The following MYRIP variants were observed in gnomAD, a reference collection of about 807,000 sequenced individuals.
The protein encoded by MYRIP is myosin VIIA and Rab interacting protein.
In MYRIP, 49 loss-of-function variants were observed where a neutral mutation model predicts 98.0. The observed-to-expected ratio is 0.50, with a 90% CI of 0.40 to 0.63. The LOEUF is 0.63. MYRIP is among the 30% of genes least tolerant of loss of function. MYRIP has a pLI of 0.00. For synonymous variants in MYRIP, 404 were observed against 409.5 expected, an observed-to-expected ratio of 0.99 and a Z score of 0.16; for missense variants, 1,004 against 1,058.2, an observed-to-expected ratio of 0.95 and a Z score of 0.71.
At chr3:40,228,644 A>AT (rs1434227478) in intron 11 of MYRIP, among the ~76,000 whole-genome samples, 7 of 152,288 alleles carry the variant, frequency 4.6e-5, no homozygotes, top group African/African-American at 1.7e-4. Flanking sequence ...TGTTCTTGTT[A>AT]TAGGTGTTGG....
At chr3:39,865,510 C>A (rs375296517) in intron 1 of MYRIP, among the ~76,000 whole-genome samples, 10 of 151,952 alleles carry the variant, frequency 6.6e-5, no homozygotes, top group Non-Finnish European at 1.3e-4. Context: ...AAAAGGTAGG[C>A]GAAGGATATT....
At chr3:39,917,005 C>A (rs1372594101) in intron 2 of MYRIP, among the ~76,000 whole-genome samples, 1 of 151,776 alleles carries the variant, frequency 6.6e-6, no homozygotes. Context: ...AAATAACTAA[C>A]CATTTAAAGC....
At chr3:39,938,152 A>G (rs1944699109) in intron 2 of MYRIP, among the ~76,000 whole-genome samples, 1 of 152,154 alleles carries the variant, frequency 6.6e-6, no homozygotes, top group Non-Finnish European at 1.5e-5. Flanking sequence ...CTGCCTTTTA[A>G]TCACTATTCA....
intron 3 of MYRIP, among the ~76,000 whole-genome samples, chr3:40,068,988 C>T (rs1948173286): frequency 6.6e-6 from 1 of 152,204 alleles, no homozygotes; most frequent in African/African-American, 2.4e-5. Context: ...TCACCCACTC[C>T]CTTATTGTAT....
At chr3:40,147,348 A>G (rs1215573794) in intron 3 of MYRIP, among the ~76,000 whole-genome samples, 1 of 152,094 alleles carries the variant, frequency 6.6e-6, no homozygotes, top group African/African-American at 2.4e-5. Flanking sequence ...TCTCTGAACT[A>G]CCCTCATCAT....
At chr3:40,244,670 A>G in intron 13 of MYRIP, 63 bp downstream of exon 13, 1 of 1,500,160 alleles carries the variant, frequency 6.7e-7, no homozygotes, top group Non-Finnish European at 8.9e-7. Flanking sequence ...CCCATGTTCT[A>G]CAAGAATCAC....
At chr3:39,900,968 T>G (rs376104016) in intron 2 of MYRIP, 42 bp downstream of exon 2, 2 of 1,473,768 alleles carry the variant, frequency 1.4e-6, no homozygotes, top group African/African-American at 2.8e-5. Flanking sequence ...GCAAACCACA[T>G]GTGGACAAGC....
chr3:40,157,207 G>A (rs1388507409), intron 4 of MYRIP, among the ~76,000 whole-genome samples: 76 of 148,804 alleles, frequency 5.1e-4, no homozygotes, highest in East Asian at 1.4e-3. Flanking sequence ...AGCATGAAGC[G>A]TTGTTGAATT....
intron 2 of MYRIP, among the ~76,000 whole-genome samples, chr3:39,985,009 G>C (rs1245360683): frequency 2.0e-5 from 3 of 149,904 alleles, no homozygotes; most frequent in Non-Finnish European, 4.4e-5. Context: ...GTGTTTTTTG[G>C]CTGCATAAAT....
chr3:40,081,265 C>T (rs1948473335), intron 3 of MYRIP, among the ~76,000 whole-genome samples: 1 of 152,054 alleles, frequency 6.6e-6, no homozygotes, highest in South Asian at 2.1e-4. Flanking sequence ...TGATATTGTG[C>T]TGCTCAAATC....
At chr3:40,055,231 T>A (rs893845997) in intron 3 of MYRIP, among the ~76,000 whole-genome samples, 1 of 152,212 alleles carries the variant, frequency 6.6e-6, no homozygotes, top group African/African-American at 2.4e-5. Flanking sequence ...GTTTGATATA[T>A]CTTAGTGGCA....
At position 40,009,322 on chromosome 3, in the gene MYRIP, C is replaced by T. The variant is rs547774920; in HGVS notation, c.111-34728C>T. 3.6e-4 allele frequency among the ~76,000 whole-genome samples: 54 copies of T among 149,768 alleles called. No individual in the cohort carries two copies. The South Asian group carries it at 0.01, about 28-fold the overall frequency. On this transcript the variant is annotated intron_variant, in intron 2 of 16. Coordinates refer to ENST00000302541, the MANE Select transcript of MYRIP (RefSeq NM_015460.4). Reference sequence around the variant, plus strand: ...TGTGATCTCGGCTCCCTGCAAGCTCCGCCTCCCGGGTTCAAGCGATTCTCC... The same window carrying T: ...TGTGATCTCGGCTCCCTGCAAGCTCTGCCTCCCGGGTTCAAGCGATTCTCC...
At chr3:40,257,846 A>G (rs1265047454) in intron 16 of MYRIP, among the ~76,000 whole-genome samples, 1 of 152,220 alleles carries the variant, frequency 6.6e-6, no homozygotes, top group Non-Finnish European at 1.5e-5. Flanking sequence ...TAAAGAAGGT[A>G]TGGATTATTA....
intron 11 of MYRIP, among the ~76,000 whole-genome samples, chr3:40,230,795 A>G (rs898497378): frequency 1.6e-4 from 25 of 151,632 alleles, no homozygotes; most frequent in Non-Finnish European, 2.7e-4. Flanking sequence ...TCCAGTTTTC[A>G]TATAATTTTT....
intron 11 of MYRIP, among the ~76,000 whole-genome samples, chr3:40,212,195 CATATATATACGTGTGTGTATAT>C: frequency 4.7e-5 from 1 of 21,372 alleles, no homozygotes; most frequent in Admixed American, 8.0e-4. Flanking sequence ...TGTGTATATA[CATATATATACGTGTGTGTATAT>C]ATATATATAC....
At chr3:40,125,039 C>T (rs927536991) in intron 3 of MYRIP, among the ~76,000 whole-genome samples, 4 of 152,162 alleles carry the variant, frequency 2.6e-5, no homozygotes, top group Admixed American at 2.6e-4. Flanking sequence ...AGTGCTTGCC[C>T]CACAGGGTTG....
At chr3:40,107,185 T>A (rs1031979560) in intron 3 of MYRIP, among the ~76,000 whole-genome samples, 2 of 152,242 alleles carry the variant, frequency 1.3e-5, no homozygotes, top group African/African-American at 4.8e-5. Context: ...ATTGAATACC[T>A]GCTGGGGACC....
chr3:40,163,241 A>AT (rs1559428873), intron 5 of MYRIP, among the ~76,000 whole-genome samples: 1 of 152,202 alleles, frequency 6.6e-6, no homozygotes, highest in African/African-American at 2.4e-5. Context: ...TTCAAATAAA[A>AT]TTTTATCATT....
intron 2 of MYRIP, among the ~76,000 whole-genome samples, chr3:40,006,020 C>T (rs1312083430): frequency 3.3e-5 from 5 of 151,986 alleles, no homozygotes; most frequent in African/African-American, 1.2e-4. Flanking sequence ...AATATTGGTA[C>T]AAGGAGCTTC....
Sources: allele counts gnomAD v4.1 joint callset (sites outside exome capture counted in the v4.1 genomes callset), GRCh38; gene constraint gnomAD v4.1.1; transcripts MANE v1.5; gene names NCBI Gene and HGNC (gene_info 2026-07-23, HGNC 2026-07-21).